OXR1: variants seen among roughly 807,000 people sequenced by gnomAD.
The protein encoded by OXR1 is oxidation resistance 1, also known as oxidation resistance protein 1.
OXR1 carries 41 observed loss-of-function variants against 104.6 expected under a neutral mutation model. The ratio of observed to expected loss-of-function variants is 0.39; its 90% CI spans 0.31 to 0.51. OXR1 has a LOEUF of 0.51. OXR1 is among the 20% of genes least tolerant of loss of function. The pLI is 0.77. For missense variants in OXR1, 955 were observed against 1,031.9 expected, an observed-to-expected ratio of 0.93 and a Z score of 1.02; for synonymous variants, 348 against 348.4, an observed-to-expected ratio of 1.00 and a Z score of 0.01.
At chr8:106,696,621 G>A (rs1830057235) in intron 7 of OXR1, among the ~76,000 whole-genome samples, 1 of 152,140 alleles carries the variant, frequency 6.6e-6, no homozygotes, top group African/African-American at 2.4e-5. Flanking sequence ...ACCAGCATTT[G>A]ATGTTTTCAG....
At chr8:106,703,206 A>T in intron 8 of OXR1, 116 bp downstream of exon 8, 1 of 622,568 alleles carries the variant, frequency 1.6e-6, no homozygotes, top group African/African-American at 1.8e-5. Context: ...TTTTGTCAAT[A>T]ATGAAACGAA....
intron 3 of OXR1, among the ~76,000 whole-genome samples, chr8:106,598,687 C>T (rs1819710887): frequency 6.6e-6 from 1 of 152,160 alleles, no homozygotes; most frequent in Admixed American, 6.5e-5. Context: ...CCATAGAAAA[C>T]AGAAGTCATG....
chr8:106,704,832 T>C (rs962162441), intron 8 of OXR1, among the ~76,000 whole-genome samples: 1 of 152,128 alleles, frequency 6.6e-6, no homozygotes, highest in Non-Finnish European at 1.5e-5. Context: ...CTGGAAAGTG[T>C]CACCTGGATT....
chr8:106,551,928 G>T (rs1180986972), intron 3 of OXR1, among the ~76,000 whole-genome samples: 1 of 149,120 alleles, frequency 6.7e-6, no homozygotes, highest in African/African-American at 2.5e-5. Flanking sequence ...CGGCCATGGT[G>T]GTGCGCACTG....
chr8:106,407,010 T>C (rs1217502471), intron 2 of OXR1, among the ~76,000 whole-genome samples: 2 of 152,138 alleles, frequency 1.3e-5, no homozygotes, highest in African/African-American at 2.4e-5. Flanking sequence ...GCAGGGGGTA[T>C]ATGAAAACTC....
At chr8:106,479,245 A>G (rs1477968452) in intron 2 of OXR1, among the ~76,000 whole-genome samples, 2 of 151,980 alleles carry the variant, frequency 1.3e-5, no homozygotes, top group African/African-American at 2.4e-5. Context: ...CTGTTTCTCT[A>G]GGATTGTGCC....
chr8:106,368,513 C>T (rs1466958562), intron 2 of OXR1, among the ~76,000 whole-genome samples: 1 of 151,842 alleles, frequency 6.6e-6, no homozygotes, highest in African/African-American at 2.4e-5. Flanking sequence ...TGGTGGTTTG[C>T]TGCACCTATT....
At chr8:106,337,291 T>G (rs1815007045) in intron 1 of OXR1, among the ~76,000 whole-genome samples, 1 of 152,074 alleles carries the variant, frequency 6.6e-6, no homozygotes, top group Admixed American at 6.5e-5. Flanking sequence ...CTGACTAAAA[T>G]TAAAAATTGG....
At chr8:106,380,221 TTA>T (rs1337403084) in intron 2 of OXR1, among the ~76,000 whole-genome samples, 1 of 147,014 alleles carries the variant, frequency 6.8e-6, no homozygotes, top group African/African-American at 2.7e-5. Flanking sequence ...ATATCATACA[TTA>T]TATAGTCTTC....
chr8:106,521,442 T>A (rs1272723021), intron 3 of OXR1, among the ~76,000 whole-genome samples: 1 of 152,104 alleles, frequency 6.6e-6, no homozygotes, highest in Non-Finnish European at 1.5e-5. Flanking sequence ...AAATCTATGT[T>A]CTCTTGTGAC....
chr8:106,629,475 A>G (rs1822483540), intron 3 of OXR1, among the ~76,000 whole-genome samples: 1 of 152,224 alleles, frequency 6.6e-6, no homozygotes, highest in African/African-American at 2.4e-5. Context: ...AGCTACTGCC[A>G]TGTTCCCTGA....
chr8:106,598,414 CTCTT>C (rs1483271500), intron 3 of OXR1, among the ~76,000 whole-genome samples: 1 of 152,162 alleles, frequency 6.6e-6, no homozygotes, highest in African/African-American at 2.4e-5. Flanking sequence ...ACTCCTGCCT[CTCTT>C]TCTGTGGGCC....
chr8:106,375,827 G>A (rs537100289), intron 2 of OXR1, among the ~76,000 whole-genome samples: 1 of 152,158 alleles, frequency 6.6e-6, no homozygotes, highest in South Asian at 2.1e-4. Flanking sequence ...TTCCTATAAG[G>A]CTATTCTGTG....
At chr8:106,396,946 G>T (rs1302512426) in intron 2 of OXR1, among the ~76,000 whole-genome samples, 1 of 151,964 alleles carries the variant, frequency 6.6e-6, no homozygotes, top group Non-Finnish European at 1.5e-5. Context: ...TATGTATAAT[G>T]ACTTGGAACA....
At chr8:106,379,147 C>T (rs1817027175) in intron 2 of OXR1, among the ~76,000 whole-genome samples, 1 of 152,158 alleles carries the variant, frequency 6.6e-6, no homozygotes, top group Non-Finnish European at 1.5e-5. Flanking sequence ...GTGTTAAAGG[C>T]ATCATCCCAA....
chr8:106,403,769 C>T (rs1388149419), intron 2 of OXR1, among the ~76,000 whole-genome samples: 1 of 152,186 alleles, frequency 6.6e-6, no homozygotes, highest in Non-Finnish European at 1.5e-5. Flanking sequence ...ACTTTATGTT[C>T]CTTTCACCAT....
At chr8:106,618,066 T>C in intron 3 of OXR1, 1 of 1,534,370 alleles carries the variant, frequency 6.5e-7, no homozygotes, top group Admixed American at 2.0e-5. Context: ...AAGGAAATGT[T>C]ATATTACCCT....
chr8:106,401,718 A>T (rs1229351214), intron 2 of OXR1, among the ~76,000 whole-genome samples: 1 of 152,124 alleles, frequency 6.6e-6, no homozygotes, highest in African/African-American at 2.4e-5. Context: ...CCCCCACACC[A>T]CTGGACCCCT....
At chr8:106,582,769 A>G (rs1004256353) in intron 3 of OXR1, among the ~76,000 whole-genome samples, 2 of 152,146 alleles carry the variant, frequency 1.3e-5, no homozygotes, top group Non-Finnish European at 2.9e-5. Flanking sequence ...TTATTTTACA[A>G]AGAACTTACT....
Sources: gnomAD v4.1 joint callset for allele counts (sites outside exome capture counted in the v4.1 genomes callset) on GRCh38, gnomAD v4.1.1 for gene constraint, MANE v1.5 for transcripts, NCBI Gene and HGNC (gene_info 2026-07-23, HGNC 2026-07-21) for gene names.